The following ATRN variants were observed in gnomAD, a reference collection of about 807,000 sequenced individuals.
The protein encoded by ATRN is attractin.
In ATRN, 54 loss-of-function variants were observed where a neutral mutation model predicts 178.7. The ratio of observed to expected loss-of-function variants is 0.30; its 90% CI spans 0.24 to 0.38. The LOEUF (loss-of-function observed/expected upper bound fraction) is 0.38. Ranked by LOEUF, ATRN falls within the 10% of genes least tolerant of loss-of-function variation. The pLI, the probability that ATRN is intolerant of heterozygous loss-of-function variation, is 1.00. For synonymous variants in ATRN, 636 were observed against 663.0 expected (o/e 0.96, Z 0.63); for missense variants, 1,443 against 1,815.1 (o/e 0.79, Z 3.73).
chr20:3,633,301 C>T (rs938925175), intron 25 of ATRN, among the ~76,000 whole-genome samples: 6 of 152,148 alleles, frequency 3.9e-5, no homozygotes, highest in Non-Finnish European at 1.5e-5. Flanking sequence ...CACCCTTGTA[C>T]CCCTTAGGGA....
At chr20:3,610,697 C>T (rs1370307296) in intron 24 of ATRN, among the ~76,000 whole-genome samples, 1 of 150,498 alleles carries the variant, frequency 6.6e-6, no homozygotes, top group African/African-American at 2.5e-5. Context: ...CTCAGCCTCC[C>T]AAGTTGCTGG....
chr20:3,495,733 A>G (rs188784697), intron 1 of ATRN, among the ~76,000 whole-genome samples: 47 of 151,808 alleles, frequency 3.1e-4, no homozygotes, highest in African/African-American at 8.2e-4. Context: ...AGGAATAGCT[A>G]TGTACTACTG....
chr20:3,532,090 C>A (rs528759750), intron 1 of ATRN, among the ~76,000 whole-genome samples: 11 of 152,198 alleles, frequency 7.2e-5, no homozygotes, highest in African/African-American at 2.2e-4. Flanking sequence ...TTGAGCTTGC[C>A]ACTGCACTCC....
At chr20:3,601,688 C>A (rs2086609939) in intron 23 of ATRN, among the ~76,000 whole-genome samples, 1 of 120,854 alleles carries the variant, frequency 8.3e-6, no homozygotes, top group Admixed American at 9.4e-5. Flanking sequence ...CATAGTGAGA[C>A]CCTGTCTACA....
At chr20:3,586,205 G>A (rs2086354986) in intron 18 of ATRN, among the ~76,000 whole-genome samples, 1 of 152,178 alleles carries the variant, frequency 6.6e-6, no homozygotes, top group African/African-American at 2.4e-5. Context: ...CTGGCAAATG[G>A]ATGAACAAAG....
intron 10 of ATRN, among the ~76,000 whole-genome samples, chr20:3,563,697 T>C (rs1347672041): frequency 6.6e-6 from 1 of 152,210 alleles, no homozygotes; most frequent in Admixed American, 6.5e-5. Flanking sequence ...GGTTCACGTA[T>C]TAGCTTTATC....
At chr20:3,593,390 T>C (rs1002293363) in intron 19 of ATRN, among the ~76,000 whole-genome samples, 5 of 152,232 alleles carry the variant, frequency 3.3e-5, no homozygotes, top group African/African-American at 7.2e-5. Context: ...ATGCTTACTG[T>C]GTTTGAGACA....
intron 24 of ATRN, among the ~76,000 whole-genome samples, chr20:3,616,960 C>G (rs1319859657): frequency 6.6e-6 from 1 of 152,134 alleles, no homozygotes; most frequent in Non-Finnish European, 1.5e-5. Context: ...CATTTTTATC[C>G]CTCAGTGTCC....
At chr20:3,573,332 A>G (rs946497905) in intron 12 of ATRN, among the ~76,000 whole-genome samples, 10 of 152,244 alleles carry the variant, frequency 6.6e-5, no homozygotes, top group Admixed American at 5.2e-4. Flanking sequence ...CACATGGGCT[A>G]TCAGATACTT....
At chr20:3,578,911 G>T in intron 15 of ATRN, 139 bp downstream of exon 15, 1 of 706,042 alleles carries the variant, frequency 1.4e-6, no homozygotes, top group South Asian at 2.4e-5. Flanking sequence ...CGCAGCCTGA[G>T]GGACTGTGGG....
At position 3,544,820 on chromosome 20, in the gene ATRN, A is replaced by T. The variant is rs1040132425; in HGVS notation, c.609-942A>T. 4.8e-5 allele frequency among the ~76,000 whole-genome samples: 7 copies of T among 144,470 alleles called. No homozygotes were observed. The East Asian group carries it at 1.2e-3, about 24-fold the overall frequency. The allele number at this position is 144,470 out of a possible 152,430, so 94.8% of individuals were successfully genotyped here. A position where few individuals can be genotyped will look rare whatever the true frequency, so the allele number is the denominator to read the frequency against. On this transcript the variant is annotated intron_variant, in intron 3 of 28. Coordinates refer to ENST00000262919, the MANE Select transcript of ATRN (RefSeq NM_139321.3). ...AGGCATCATTTAGACCCTTTTACTC[A>T]GTAAGGTTTTTTTTTTTTTTTTTAC...
At chr20:3,573,360 AGT>A (rs2086155977) in intron 12 of ATRN, among the ~76,000 whole-genome samples, 1 of 152,230 alleles carries the variant, frequency 6.6e-6, no homozygotes, top group Non-Finnish European at 1.5e-5. Flanking sequence ...AGCTAGTGTG[AGT>A]GAAGAACTGA....
In ATRN at chr20:3,645,255, C is replaced by T. The variant is rs773777985; in HGVS notation, c.4165+987C>T. 2.6e-5 allele frequency among the ~76,000 whole-genome samples: 4 copies of T among 152,216 alleles called. No homozygotes were observed. The highest frequency in any genetic ancestry group is 4.4e-5 in the Non-Finnish European group (3 of 68,046). ...TGAGCTCCACTGTCCCTTCAGTGCACCCTCAGACCCAGAAGATCCTCCAGC... is the reference window on the plus strand; with the variant it reads ...TGAGCTCCACTGTCCCTTCAGTGCATCCTCAGACCCAGAAGATCCTCCAGC... On this transcript the variant is annotated intron_variant, in intron 28 of 28. Transcript: ENST00000262919. This position sits in a 1 kb window ranked among gnomAD's most constrained non-coding sequence, Gnocchi z 4.7.
intron 25 of ATRN, among the ~76,000 whole-genome samples, chr20:3,627,137 A>T (rs1296685894): frequency 2.6e-5 from 4 of 152,238 alleles, no homozygotes; most frequent in Admixed American, 2.6e-4. Flanking sequence ...GATTTGGTTG[A>T]TGAAGAAAAT....
intron 1 of ATRN, among the ~76,000 whole-genome samples, chr20:3,509,169 T>C (rs1442333003): frequency 6.6e-6 from 1 of 152,184 alleles, no homozygotes; most frequent in Admixed American, 6.5e-5. Flanking sequence ...GAAAACTGAC[T>C]CAAGATACCA....
At chr20:3,481,891 T>G (rs1341086116) in intron 1 of ATRN, among the ~76,000 whole-genome samples, 1 of 151,412 alleles carries the variant, frequency 6.6e-6, no homozygotes, top group Admixed American at 6.6e-5. Context: ...TTTTGTATTT[T>G]AAGAATTTTT....
intron 6 of ATRN, among the ~76,000 whole-genome samples, chr20:3,558,182 G>A (rs986888437): frequency 2.0e-5 from 3 of 152,148 alleles, no homozygotes; most frequent in Non-Finnish European, 4.4e-5. Context: ...ATATATGAAA[G>A]TATAGTAGAA....
At chr20:3,588,737 A>T (rs1030264755) in intron 18 of ATRN, among the ~76,000 whole-genome samples, 1 of 152,070 alleles carries the variant, frequency 6.6e-6, no homozygotes, top group Non-Finnish European at 1.5e-5. Flanking sequence ...TATTTACTGG[A>T]AGAGTTCGTC....
At chr20:3,549,498 G>A (rs535059564) in intron 6 of ATRN, among the ~76,000 whole-genome samples, 160 bp downstream of exon 6, 5 of 152,154 alleles carry the variant, frequency 3.3e-5, no homozygotes, top group African/African-American at 4.8e-5. Context: ...GACATATGTT[G>A]AGTTTTTAAA....
Sources: gnomAD v4.1 joint callset for allele counts (sites outside exome capture counted in the v4.1 genomes callset) on GRCh38, gnomAD v4.1.1 for gene constraint, Gnocchi (gnomAD v3.1) non-coding constraint, MANE v1.5 for transcripts, NCBI Gene and HGNC (gene_info 2026-07-23, HGNC 2026-07-21) for gene names.